The following KLHL8 variants were observed in gnomAD, a reference collection of about 807,000 sequenced individuals.
KLHL8 encodes kelch-like protein 8.
A neutral mutation model predicts 63.5 loss-of-function variants in KLHL8; 38 were observed. The observed-to-expected ratio is 0.60, with a 90% CI of 0.46 to 0.78. The LOEUF is 0.78. Among genes scored for constraint, KLHL8 ranks in the 30% least tolerant of loss-of-function variants. The probability of loss-of-function intolerance (pLI) is 0.00; values close to 1 mark genes in which losing one functional copy is unlikely to be tolerated. For missense variants in KLHL8, 566 were observed against 752.4 expected, an observed-to-expected ratio of 0.75 and a Z score of 2.90; for synonymous variants, 224 against 254.3, an observed-to-expected ratio of 0.88 and a Z score of 1.13.
At chr4:87,190,271 G>T (rs1347809217) in intron 2 of KLHL8, among the ~76,000 whole-genome samples, 1 of 151,852 alleles carries the variant, frequency 6.6e-6, no homozygotes, top group Non-Finnish European at 1.5e-5. Context: ...ATGACTTTTT[G>T]ATTACTGTAA....
At chr4:87,204,539 T>C (rs373174571) in intron 1 of KLHL8, among the ~76,000 whole-genome samples, 3 of 152,346 alleles carry the variant, frequency 2.0e-5, no homozygotes, top group African/African-American at 7.2e-5. Context: ...CTAGTTGCAA[T>C]TGCTAAAAAC....
intron 1 of KLHL8, among the ~76,000 whole-genome samples, chr4:87,239,594 G>A (rs1351623752): frequency 1.3e-5 from 2 of 152,070 alleles, no homozygotes; most frequent in Non-Finnish European, 2.9e-5. Context: ...TTACCTCTGG[G>A]TACCTTTTTC....
chr4:87,226,739 TTA>T lies in KLHL8; in HGVS notation n.58-5351_58-5350del, dbSNP rs1295560376. ...ATTATTTATATATAATATATATTAT[TTA>T]TATATAATATATATTATTTATATAT... On this transcript the variant is annotated intron_variant and non_coding_transcript_variant, in intron 1 of 1. Coordinates refer to the KLHL8 transcript ENST00000506274. Among the ~76,000 whole-genome samples, 9 of 7,764 alleles carry T rather than the reference TTA, an allele frequency of 1.2e-3. 2 individuals carry two copies. The allele number at this position is 7,764 out of a possible 152,430, so 5.1% of individuals were successfully genotyped here.
At chr4:87,167,460 C>T in intron 8 of KLHL8, 1 of 504,550 alleles carries the variant, frequency 2.0e-6, no homozygotes, top group South Asian at 1.5e-5. Flanking sequence ...TCTGCCCCAT[C>T]AAGCCAATTT....
intron 1 of KLHL8, chr4:87,207,178 C>G: frequency 1.8e-6 from 1 of 569,584 alleles, no homozygotes; most frequent in African/African-American, 1.9e-5. Context: ...TGGATATTGT[C>G]GCCATCAATG....
chr4:87,171,903 C>T (rs1283495079), intron 6 of KLHL8, among the ~76,000 whole-genome samples: 1 of 152,146 alleles, frequency 6.6e-6, no homozygotes, highest in Non-Finnish European at 1.5e-5. Flanking sequence ...TATTTTCAGA[C>T]ATATACCCAA....
chr4:87,207,522 C>T, intron 1 of KLHL8: 1 of 878,418 alleles, frequency 1.1e-6, no homozygotes, highest in Non-Finnish European at 1.9e-6. Context: ...GCCTCAAGAT[C>T]ATCAGCAATG....
intron 1 of KLHL8, among the ~76,000 whole-genome samples, chr4:87,196,108 C>T (rs1578384388): frequency 2.6e-5 from 4 of 151,508 alleles, no homozygotes; most frequent in South Asian, 4.2e-4. Flanking sequence ...AACCATCATA[C>T]GTGGCCATGA....
intron 6 of KLHL8, among the ~76,000 whole-genome samples, chr4:87,175,276 G>A (rs1334091747): frequency 3.3e-5 from 5 of 152,180 alleles, no homozygotes; most frequent in Non-Finnish European, 7.4e-5. Flanking sequence ...TAGATACGGA[G>A]AGATCAGTGT....
intron 1 of KLHL8, among the ~76,000 whole-genome samples, chr4:87,227,902 A>G (rs1366877904): frequency 6.6e-6 from 1 of 152,100 alleles, no homozygotes; most frequent in Admixed American, 6.6e-5. Flanking sequence ...AAATTATGCA[A>G]CCCTGTATAT....
At chr4:87,207,868 G>A in intron 1 of KLHL8, 1 of 1,531,572 alleles carries the variant, frequency 6.5e-7, no homozygotes, top group Non-Finnish European at 9.0e-7. Flanking sequence ...CAAGAAGGTG[G>A]TGAAGCAGAC....
At position 87,213,240 on chromosome 4, in the gene KLHL8, C is replaced by T. The variant is rs188056085; in HGVS notation, c.-152+7178G>A. On this transcript the variant is annotated intron_variant, in intron 1 of 9. Transcript: ENST00000273963. ...AGATCTTGAATTTTACCTAAATATGCGAACTACATGCATGAACCTTAACAG... is the reference window on the plus strand; with the variant it reads ...AGATCTTGAATTTTACCTAAATATGTGAACTACATGCATGAACCTTAACAG... Among the ~76,000 whole-genome samples, 14 of 152,206 alleles carry T rather than the reference C, an allele frequency of 9.2e-5. No homozygotes were observed. In the East Asian group the frequency reaches 2.5e-3, roughly 27 times the overall value.
intron 6 of KLHL8, among the ~76,000 whole-genome samples, chr4:87,171,401 A>T (rs1443706287): frequency 6.6e-6 from 1 of 152,172 alleles, no homozygotes; most frequent in Non-Finnish European, 1.5e-5. Flanking sequence ...TTATTATTGG[A>T]GAAAGCAGCT....
chr4:87,185,264 T>G lies in KLHL8; in HGVS notation c.752A>C (p.Glu251Ala). Reference protein sequence around the residue: ...NPQHHSKWLDETLAQVRLPLL... With the variant: ...NPQHHSKWLDATLAQVRLPLL... ...TTCAGCTCCTACCTGTGCAAGTGTT[T>G]CATCCAACCATTTGGAATGATGCTG... Residue 251 changes from glutamate (E) to alanine (A), a missense_variant, in exon 3 of 10, where the codon GAA becomes GCA. Physicochemically the swap from Glu to Ala is moderately radical, Grantham distance 107. Coordinates refer to ENST00000273963, the MANE Select transcript of KLHL8 (RefSeq NM_020803.5). 6.2e-7 allele frequency: 1 copy of G among 1,611,008 alleles called. No homozygotes were observed. The highest frequency in any genetic ancestry group is 8.5e-7 in the Non-Finnish European group (1 of 1,177,962).
chr4:87,202,536 T>C (rs1731961672), intron 1 of KLHL8, among the ~76,000 whole-genome samples: 1 of 152,192 alleles, frequency 6.6e-6, no homozygotes, highest in Admixed American at 6.5e-5. Context: ...ATTAAAAAGG[T>C]AAGTAAGGTG....
chr4:87,167,582 G>A (rs1730451519), intron 8 of KLHL8: 2 of 519,130 alleles, frequency 3.9e-6, no homozygotes, highest in Non-Finnish European at 7.8e-6. Flanking sequence ...CTAAGAAGAA[G>A]GGCAGTGCCA....
chr4:87,190,104 T>G (rs1250629494), intron 2 of KLHL8, among the ~76,000 whole-genome samples: 1 of 150,814 alleles, frequency 6.6e-6, no homozygotes. Flanking sequence ...CCATTATATA[T>G]ACAGGAAAAT....
At chr4:87,230,039 A>T (rs780801084) in intron 1 of KLHL8, among the ~76,000 whole-genome samples, 6 of 152,142 alleles carry the variant, frequency 3.9e-5, no homozygotes, top group Non-Finnish European at 8.8e-5. Flanking sequence ...ACTGGCAGAA[A>T]ACTCATGGCA....
chr4:87,192,572 T>C (rs748684016), intron 2 of KLHL8, among the ~76,000 whole-genome samples: 25 of 152,214 alleles, frequency 1.6e-4, no homozygotes, highest in Non-Finnish European at 3.5e-4. Context: ...AGCTATACCA[T>C]ATAGCCTATG....
Sources: gnomAD v4.1 joint callset for allele counts (sites outside exome capture counted in the v4.1 genomes callset) on GRCh38, gnomAD v4.1.1 for gene constraint, MANE v1.5 for transcripts, NCBI Gene and HGNC (gene_info 2026-07-23, HGNC 2026-07-21) for gene names.